CSMD1: variants seen among roughly 807,000 people sequenced by gnomAD.
The protein encoded by CSMD1 is CUB and sushi domain-containing protein 1.
CSMD1 carries 213 observed loss-of-function variants against 417.5 expected under a neutral mutation model. The ratio of observed to expected loss-of-function variants is 0.51; its 90% CI spans 0.46 to 0.57. The LOEUF (loss-of-function observed/expected upper bound fraction) is 0.57, where lower values mean the gene tolerates loss of function less well. Ranked by LOEUF, CSMD1 falls within the 20% of genes least tolerant of loss-of-function variation. The pLI, the probability that CSMD1 is intolerant of heterozygous loss-of-function variation, is 0.00. For synonymous variants in CSMD1, 2,862 were observed against 1,736.8 expected (o/e 1.65, Z -16.11); for missense variants, 6,923 against 4,529.7 (o/e 1.53, Z -15.17).
chr8:3,275,621 C>T (rs1019661550), intron 26 of CSMD1, among the ~76,000 whole-genome samples: 5 of 152,060 alleles, frequency 3.3e-5, no homozygotes, highest in Non-Finnish European at 5.9e-5. Flanking sequence ...GGAGGCTTTG[C>T]TCGTTTCTTT....
chr8:4,973,666 T>C (rs1408831227), intron 1 of CSMD1, among the ~76,000 whole-genome samples: 1 of 152,190 alleles, frequency 6.6e-6, no homozygotes, highest in Non-Finnish European at 1.5e-5. Flanking sequence ...TGAAGAATAA[T>C]ACCCATTCAT....
chr8:3,908,182 C>T (rs979572044), intron 5 of CSMD1, among the ~76,000 whole-genome samples: 4 of 152,210 alleles, frequency 2.6e-5, no homozygotes, highest in African/African-American at 4.8e-5. Context: ...TGACCATGGG[C>T]CAGGCTAGAT....
In CSMD1 at chr8:2,950,292, T is replaced by G; in HGVS notation, c.10253A>C (p.Lys3418Thr). 1 of 1,613,508 alleles carries G rather than the reference T, an allele frequency of 6.2e-7. No homozygotes were observed. Among genetic ancestry groups the G allele is most frequent in the Non-Finnish European group, 8.5e-7 (1 of 1,179,486 alleles). The change falls in exon 67 of 70, where the codon AAA becomes ACA. Residue 3418 changes from lysine to threonine, a missense_variant. Physicochemically the swap from Lys to Thr is moderately conservative, Grantham distance 78 (BLOSUM62 -1). Transcript: ENST00000635120. Reference sequence around the variant, plus strand: ...GCTTACAAAAATATCTGCCTGGCCTTTAATTTGAAAAGCTTTCAGGAGTAA... The same window carrying G: ...GCTTACAAAAATATCTGCCTGGCCTGTAATTTGAAAAGCTTTCAGGAGTAA... Reference protein sequence around the residue: ...AHLLLKAFQIKGQADIFVSKF... With the variant: ...AHLLLKAFQITGQADIFVSKF...
At chr8:4,441,169 G>T (rs375677048) in intron 2 of CSMD1, among the ~76,000 whole-genome samples, 1 of 123,358 alleles carries the variant, frequency 8.1e-6, no homozygotes, top group Admixed American at 1.1e-4. Context: ...TACAACCTTG[G>T]TTCACTGCAG....
intron 1 of CSMD1, among the ~76,000 whole-genome samples, chr8:4,923,482 C>T (rs1269810940): frequency 6.6e-6 from 1 of 152,036 alleles, no homozygotes; most frequent in Non-Finnish European, 1.5e-5. Context: ...GTCAAAACAT[C>T]TTATGTACTT....
Position 4,433,611 on chromosome 8 carries a change from T to C in CSMD1, c.303-13546A>G, listed in dbSNP as rs536119832. Among the ~76,000 whole-genome samples the C allele has an allele frequency of 1.7e-3, 258 of 152,236 alleles. 1 individual carries two copies. The highest frequency in any genetic ancestry group is 5.5e-3 in the African/African-American group (230 of 41,552). ...GCCCTTAAAATGGGAAACGACAAAT[T>C]TGATAAAGCCAGTTTTCTTTATGCT... On this transcript the variant is annotated intron_variant, in intron 2 of 69. Coordinates refer to ENST00000635120, the MANE Select transcript of CSMD1 (RefSeq NM_033225.6).
chr8:3,841,621 G>A (rs1433624482), intron 5 of CSMD1, among the ~76,000 whole-genome samples: 1 of 151,928 alleles, frequency 6.6e-6, no homozygotes, highest in African/African-American at 2.4e-5. Context: ...CTGGATCCTA[G>A]TTTTTCAGGT....
chr8:4,546,838 A>C (rs1328665780), intron 2 of CSMD1, among the ~76,000 whole-genome samples: 1 of 151,986 alleles, frequency 6.6e-6, no homozygotes, highest in Non-Finnish European at 1.5e-5. Flanking sequence ...TGTATATAAT[A>C]CAACATATGC....
chr8:3,142,417 A>G, intron 41 of CSMD1, 48 bp downstream of exon 41: 5 of 1,403,448 alleles, frequency 3.6e-6, no homozygotes, highest in Non-Finnish European at 5.0e-6. Flanking sequence ...ATTTACATGT[A>G]AGAAGTGTAT....
intron 10 of CSMD1, among the ~76,000 whole-genome samples, chr8:3,509,014 C>A (rs2097937261): frequency 6.6e-6 from 1 of 152,184 alleles, no homozygotes; most frequent in South Asian, 2.1e-4. Context: ...AGCTTTGTCT[C>A]TTGCAAGCTA....
chr8:4,716,544 CAG>C (rs1191048362), intron 1 of CSMD1, among the ~76,000 whole-genome samples: 2 of 152,130 alleles, frequency 1.3e-5, no homozygotes, highest in African/African-American at 2.4e-5. Flanking sequence ...TTTTAATTGA[CAG>C]ATAAATTTTA....
chr8:3,371,239 C>G (rs1809926190), intron 18 of CSMD1, among the ~76,000 whole-genome samples: 1 of 152,164 alleles, frequency 6.6e-6, no homozygotes, highest in Admixed American at 6.5e-5. Flanking sequence ...AATCCTGGTT[C>G]TGTTTCTCTG....
At chr8:3,723,102 A>G (rs1215729413) in intron 6 of CSMD1, among the ~76,000 whole-genome samples, 1 of 152,150 alleles carries the variant, frequency 6.6e-6, no homozygotes, top group African/African-American at 2.4e-5. Context: ...TTTGACATTC[A>G]GTCAGGTTAT....
intron 5 of CSMD1, among the ~76,000 whole-genome samples, chr8:3,822,918 A>G (rs1211440808): frequency 6.6e-6 from 1 of 152,160 alleles, no homozygotes; most frequent in Non-Finnish European, 1.5e-5. Flanking sequence ...GAGCTAAGTA[A>G]AGACTGTTTG....
chr8:3,742,080 T>C (rs1312262117), intron 6 of CSMD1, among the ~76,000 whole-genome samples: 1 of 151,924 alleles, frequency 6.6e-6, no homozygotes, highest in Non-Finnish European at 1.5e-5. Flanking sequence ...CCTCACATCC[T>C]GGTGCACCTG....
intron 5 of CSMD1, among the ~76,000 whole-genome samples, chr8:3,953,644 C>T (rs1435483925): frequency 1.3e-5 from 2 of 152,054 alleles, no homozygotes; most frequent in African/African-American, 4.8e-5. Context: ...GGTGCCTCAC[C>T]TAAGAACGCT....
intron 23 of CSMD1, among the ~76,000 whole-genome samples, chr8:3,311,124 C>G (rs1179328432): frequency 6.6e-6 from 1 of 152,224 alleles, no homozygotes; most frequent in South Asian, 2.1e-4. Flanking sequence ...CTTAAATTCA[C>G]CTAGCTTACC....
chr8:3,171,116 G>C (rs531606270), intron 37 of CSMD1, among the ~76,000 whole-genome samples: 1 of 152,218 alleles, frequency 6.6e-6, no homozygotes, highest in East Asian at 1.9e-4. Flanking sequence ...CAAGATTTGG[G>C]GAAACAGATA....
At chr8:4,732,570 C>T (rs184980461) in intron 1 of CSMD1, among the ~76,000 whole-genome samples, 1 of 152,088 alleles carries the variant, frequency 6.6e-6, no homozygotes. Context: ...TGGAAAGCAA[C>T]CTGTCAGAGA....
Sources: allele counts gnomAD v4.1 joint callset (sites outside exome capture counted in the v4.1 genomes callset), GRCh38; gene constraint gnomAD v4.1.1; transcripts MANE v1.5; gene names NCBI Gene and HGNC (gene_info 2026-07-23, HGNC 2026-07-21).